Variants in MTMR8 observed in about 807,000 individuals in gnomAD.
MTMR8 encodes phosphatidylinositol-3,5-bisphosphate 3-phosphatase MTMR8.
In MTMR8, 65 loss-of-function variants were observed where a neutral mutation model predicts 39.3. The ratio of observed to expected loss-of-function variants is 1.65; its 90% CI spans 1.35 to 2.03. The LOEUF is 2.03. Among genes scored for constraint, MTMR8 ranks in the 30% most tolerant of loss-of-function variants. The probability of loss-of-function intolerance (pLI) is 0.00; values close to 1 mark genes in which losing one functional copy is unlikely to be tolerated. For missense variants in MTMR8, 777 were observed against 538.9 expected (o/e 1.44, Z -4.37); for synonymous variants, 245 against 185.2 (o/e 1.32, Z -2.62).
chrX:64,368,868 A>C (rs1457997810), intron 1 of MTMR8, among the ~76,000 whole-genome samples: 1 of 112,397 alleles, frequency 8.9e-6, no homozygotes, highest in Non-Finnish European at 1.9e-5. Context: ...CATCTGACAA[A>C]GGGCTAATAT....
Position 64,291,058 on chromosome X carries a change from G to A in MTMR8, c.1482-19985C>T, listed in dbSNP as rs188803855. On this transcript the variant is annotated intron_variant, in intron 12 of 13. Transcript: ENST00000374852. ...GAAAACTGACAAACTGTTTTTCAAA[G>A]TGGCTCCATACTATTTCATATTTCT... Among the ~76,000 whole-genome samples the A allele has an allele frequency of 1.1e-3, 127 of 111,705 alleles. 1 individual carries two copies. Among genetic ancestry groups the A allele is most frequent in the African/African-American group, 3.9e-3 (119 of 30,802 alleles).
At chrX:64,289,636 CAAAAAAAA>C (rs749879321) in intron 12 of MTMR8, among the ~76,000 whole-genome samples, 2 of 26,426 alleles carry the variant, frequency 7.6e-5, no homozygotes, top group Non-Finnish European at 7.9e-5. Flanking sequence ...GACTCCATCG[CAAAAAAAA>C]AAAAAAAAAA....
intron 12 of MTMR8, among the ~76,000 whole-genome samples, chrX:64,303,988 A>T (rs927471195): frequency 8.9e-6 from 1 of 112,146 alleles, no homozygotes; most frequent in Non-Finnish European, 1.9e-5. Flanking sequence ...ACTGCAGCAC[A>T]GTCTGTTTTG....
chrX:64,373,739 G>T lies in MTMR8; in HGVS notation c.25-14212C>A, dbSNP rs746424838. On this transcript the variant is annotated intron_variant, in intron 1 of 13. Transcript: ENST00000374852. ...GAAAGGTAACAAAAATGTAGTCAAA[G>T]CATGGAGGCTAGGGGAAGATGCCAA... Among the ~76,000 whole-genome samples, 5 of 110,902 alleles carry T rather than the reference G, an allele frequency of 4.5e-5. No individual in the cohort carries two copies. The South Asian group carries it at 1.2e-3, about 26-fold the overall frequency.
chrX:64,317,581 A>T (rs1460048968), intron 12 of MTMR8, among the ~76,000 whole-genome samples: 2 of 110,873 alleles, frequency 1.8e-5, no homozygotes, highest in South Asian at 3.8e-4. Flanking sequence ...GACTTTTTTC[A>T]TTTGTTTCAA....
chrX:64,384,968 C>A (rs1172050280), intron 1 of MTMR8, among the ~76,000 whole-genome samples: 1 of 112,530 alleles, frequency 8.9e-6, no homozygotes, highest in East Asian at 2.8e-4. Flanking sequence ...CATAGCCAGG[C>A]TTCAAATTTT....
intron 12 of MTMR8, among the ~76,000 whole-genome samples, chrX:64,271,820 G>A (rs1047241855): frequency 6.2e-5 from 7 of 112,131 alleles, no homozygotes; most frequent in African/African-American, 2.3e-4. Flanking sequence ...TAGCATGTAG[G>A]CATGTACCAC....
intron 12 of MTMR8, among the ~76,000 whole-genome samples, chrX:64,302,504 A>T (rs1164552378): frequency 3.6e-5 from 4 of 111,908 alleles, no homozygotes; most frequent in Non-Finnish European, 7.5e-5. Context: ...CCTCAGATGG[A>T]AATGCAGAAA....
At chrX:64,381,059 G>A (rs770548993) in intron 1 of MTMR8, among the ~76,000 whole-genome samples, 22 of 112,073 alleles carry the variant, frequency 2.0e-4, no homozygotes, top group African/African-American at 6.5e-4. Flanking sequence ...AAACATATGT[G>A]CACATGTGTC....
Position 64,328,669 on chromosome X carries a change from A to C in MTMR8, c.1481+103T>G, listed in dbSNP as rs771771982. On this transcript the variant is annotated intron_variant, in intron 12 of 13. Coordinates refer to ENST00000374852, the MANE Select transcript of MTMR8 (RefSeq NM_017677.4). ...ATATGAGGACAGAGTATCCTACTCC[A>C]TAGCCAGGCTTGTACAGATGGTGGC... is the stretch of plus-strand genomic sequence containing the variant. 1.1e-5 allele frequency: 9 copies of C among 813,307 alleles called. No homozygotes were observed. The South Asian group carries it at 4.1e-4, about 37-fold the overall frequency. The allele number at this position is 813,307 out of a possible 1,213,427, so 67.0% of individuals were successfully genotyped here. A position where few individuals can be genotyped will look rare whatever the true frequency, so the allele number is the denominator to read the frequency against.
Position 64,354,930 on chromosome X carries a change from T to C in MTMR8, c.315A>G (p.Leu105=). Reference sequence around the variant, plus strand: ...AAGAAAAAGCATAAAGATCTTCAGGTAATGCTGGAGAAGAGAGATAGGCAT... The same window carrying C: ...AAGAAAAAGCATAAAGATCTTCAGGCAATGCTGGAGAAGAGAGATAGGCAT... The part of the protein sequence containing the change: ...ISLLKLSQPA[L]PEDLYAFSYN... Residue 105 remains leucine, a synonymous_variant, in exon 4 of 14, where the codon TTA becomes TTG. Coordinates refer to ENST00000374852, the MANE Select transcript of MTMR8 (RefSeq NM_017677.4). 8.4e-7 allele frequency: 1 copy of C among 1,191,791 alleles called. No individual in the cohort carries two copies. The highest frequency in any genetic ancestry group is 1.9e-5 in the South Asian group (1 of 53,041).
intron 1 of MTMR8, among the ~76,000 whole-genome samples, chrX:64,365,777 A>G (rs982816394): frequency 8.9e-6 from 1 of 111,939 alleles, no homozygotes; most frequent in Non-Finnish European, 1.9e-5. Flanking sequence ...CCTTAAATGT[A>G]AATGGGCTAA....
Position 64,345,099 on chromosome X carries a change from T to A in MTMR8, c.811A>T (p.Met271Leu), listed in dbSNP as rs1414654112. ...DNYANIRFRF[M>L]GIENIHVMRS... ...ATTACATGGATGTTCTCAATGCCCA[T>A]GAATCTGAAGCGAATGTTGGCATAG... is the stretch of plus-strand genomic sequence containing the variant. The change falls in exon 7 of 14, where the codon ATG becomes TTG. Residue 271 changes from methionine to leucine, a missense_variant. By Grantham distance (15) the Met-to-Leu change is conservative. Coordinates refer to ENST00000374852, the MANE Select transcript of MTMR8 (RefSeq NM_017677.4). 4 of 1,209,689 alleles carry A rather than the reference T, an allele frequency of 3.3e-6. No individual in the cohort carries two copies. The highest frequency in any genetic ancestry group is 4.5e-6 in the Non-Finnish European group (4 of 894,771).
At chrX:64,311,691 C>T (rs1262521947) in intron 12 of MTMR8, among the ~76,000 whole-genome samples, 2 of 110,164 alleles carry the variant, frequency 1.8e-5, no homozygotes, top group Non-Finnish European at 3.8e-5. Flanking sequence ...AGGAAGGGAT[C>T]CAGTTTCAGC....
At chrX:64,324,245 C>T (rs776687966) in intron 12 of MTMR8, among the ~76,000 whole-genome samples, 1 of 110,986 alleles carries the variant, frequency 9.0e-6, no homozygotes, top group Admixed American at 9.6e-5. Context: ...ACCAGTAGTC[C>T]TAGCCACTTG....
intron 10 of MTMR8, among the ~76,000 whole-genome samples, chrX:64,335,196 G>A (rs1299000417): frequency 5.5e-5 from 6 of 109,709 alleles, no homozygotes; most frequent in Non-Finnish European, 1.1e-4. Context: ...CAATGGCATG[G>A]CCTCAGCTCA....
Position 64,356,253 on chromosome X carries a change from C to A in MTMR8, c.233G>T (p.Arg78Leu). The A allele has an allele frequency of 8.3e-7, 1 of 1,209,549 alleles. No homozygotes were observed. Among genetic ancestry groups the A allele is most frequent in the Non-Finnish European group, 1.1e-6 (1 of 894,434 alleles). ...AGAATCTAAAACAAAGTGGGCCACC[C>A]GGAAATTCTTGCAGCGGAGGGTCAG... The part of the protein sequence containing the change: ...CPLTLRCKNF[R>L]VAHFVLDSDL... The change falls in exon 3 of 14, where the codon CGG becomes CTG. Residue 78 changes from arginine to leucine, a missense_variant. Coordinates refer to ENST00000374852, the MANE Select transcript of MTMR8 (RefSeq NM_017677.4).
At chrX:64,392,632 G>A (rs1015468226) in intron 1 of MTMR8, among the ~76,000 whole-genome samples, 2 of 110,285 alleles carry the variant, frequency 1.8e-5, no homozygotes, top group Admixed American at 1.9e-4. Context: ...TCTCAGTAGC[G>A]GTTGCACAGG....
intron 12 of MTMR8, among the ~76,000 whole-genome samples, chrX:64,275,075 A>T (rs1931841793): frequency 8.9e-6 from 1 of 111,796 alleles, no homozygotes; most frequent in Non-Finnish European, 1.9e-5. Context: ...CACAAAAATG[A>T]TGTCTAAATG....
Sources: allele counts gnomAD v4.1 joint callset (sites outside exome capture counted in the v4.1 genomes callset), GRCh38; gene constraint gnomAD v4.1.1; transcripts MANE v1.5; gene names NCBI Gene and HGNC (gene_info 2026-07-23, HGNC 2026-07-21).